JAZF1: variants seen among roughly 807,000 people sequenced by gnomAD.
JAZF1 encodes JAZF zinc finger 1.
In JAZF1, 8 loss-of-function variants were observed where a neutral mutation model predicts 26.4. The ratio of observed to expected loss-of-function variants is 0.30; its 90% CI spans 0.18 to 0.55. The LOEUF is 0.55. Among genes scored for constraint, JAZF1 ranks in the 20% least tolerant of loss-of-function variants. The probability of loss-of-function intolerance (pLI) is 0.94; values close to 1 mark genes in which losing one functional copy is unlikely to be tolerated. For synonymous variants in JAZF1, 126 were observed against 122.3 expected, an observed-to-expected ratio of 1.03 and a Z score of -0.20; for missense variants, 199 against 322.0, an observed-to-expected ratio of 0.62 and a Z score of 2.92.
At chr7:27,913,010 G>A (rs209) in intron 2 of JAZF1, among the ~76,000 whole-genome samples, 47,890 of 151,842 alleles carry the variant, frequency 0.32, 7,883 homozygotes, top group Admixed American at 0.42. Context: ...CTCCCTCGGA[G>A]AACATGAGGT....
intron 3 of JAZF1, among the ~76,000 whole-genome samples, chr7:27,891,425 C>G (rs547054998): frequency 6.6e-6 from 1 of 152,040 alleles, no homozygotes. Context: ...ATGATTTAAA[C>G]TATTCTAAGC....
Position 28,123,513 on chromosome 7 carries a change from G to T in JAZF1, c.115+56950C>A, listed in dbSNP as rs560312861. 2.6e-5 allele frequency among the ~76,000 whole-genome samples: 4 copies of T among 152,334 alleles called. No individual in the cohort carries two copies. The South Asian group carries it at 8.3e-4, about 32-fold the overall frequency. Reference sequence around the variant, plus strand: ...TGCAACCCCAGTGACCAGCACAGTAGCACATAGTAGGCACTCGGGAAAGAT... The same window carrying T: ...TGCAACCCCAGTGACCAGCACAGTATCACATAGTAGGCACTCGGGAAAGAT... On this transcript the variant is annotated intron_variant, in intron 1 of 4. Transcript: ENST00000283928.
intron 1 of JAZF1, among the ~76,000 whole-genome samples, chr7:28,034,989 C>T (rs908647073): frequency 2.0e-5 from 3 of 151,924 alleles, no homozygotes; most frequent in Admixed American, 1.3e-4. Context: ...AAGGCTGAGC[C>T]GTTACCGTCC....
chr7:27,848,824 C>T (rs1583428767), intron 3 of JAZF1, among the ~76,000 whole-genome samples: 2 of 152,218 alleles, frequency 1.3e-5, no homozygotes, highest in South Asian at 2.1e-4. Flanking sequence ...CCAAACCTAC[C>T]TGTGCTTACT....
At chr7:28,071,163 C>T (rs568135278) in intron 1 of JAZF1, among the ~76,000 whole-genome samples, 2 of 152,150 alleles carry the variant, frequency 1.3e-5, no homozygotes, top group East Asian at 1.9e-4. Flanking sequence ...GCAAGCAATG[C>T]GGTGTGATAC....
intron 1 of JAZF1, among the ~76,000 whole-genome samples, chr7:28,056,873 T>C (rs1345939981): frequency 6.6e-6 from 1 of 152,214 alleles, no homozygotes; most frequent in Non-Finnish European, 1.5e-5. Context: ...TCTCTTAAAC[T>C]GAGGGCTGCC....
chr7:28,069,142 AACTTAACCAGC>A (rs1783930545), intron 1 of JAZF1, among the ~76,000 whole-genome samples: 1 of 152,238 alleles, frequency 6.6e-6, no homozygotes, highest in Admixed American at 6.5e-5. Flanking sequence ...AGAGCCCAGT[AACTTAACCAGC>A]ACCACAGCTG....
At chr7:27,884,994 T>G (rs559115640) in intron 3 of JAZF1, among the ~76,000 whole-genome samples, 1 of 152,250 alleles carries the variant, frequency 6.6e-6, no homozygotes, top group East Asian at 1.9e-4. Flanking sequence ...CAGAGCAGGT[T>G]TGAGGACATT....
At chr7:27,881,289 G>A (rs1783766018) in intron 3 of JAZF1, among the ~76,000 whole-genome samples, 1 of 152,126 alleles carries the variant, frequency 6.6e-6, no homozygotes, top group African/African-American at 2.4e-5. Context: ...CCCCTTGGTA[G>A]CTCACTCACA....
chr7:28,136,496 T>C (rs113735840), intron 1 of JAZF1, among the ~76,000 whole-genome samples: 4,179 of 152,350 alleles, frequency 0.027, 78 homozygotes, highest in Middle Eastern at 0.054. Context: ...AGCAGCGTGC[T>C]CAGAATCTAG....
intron 2 of JAZF1, among the ~76,000 whole-genome samples, chr7:27,909,797 C>T (rs192559141): frequency 1.2e-4 from 18 of 152,312 alleles, no homozygotes; most frequent in Non-Finnish European, 2.4e-4. Flanking sequence ...AAGCTTTCTC[C>T]CTTCCTCCCT....
intron 1 of JAZF1, among the ~76,000 whole-genome samples, chr7:28,018,211 A>G (rs1358037724): frequency 6.6e-6 from 1 of 152,232 alleles, no homozygotes; most frequent in Non-Finnish European, 1.5e-5. Flanking sequence ...ACTGAGAAAC[A>G]GCTCCTGGAG....
chr7:28,143,462 T>C (rs1376327961), intron 1 of JAZF1, among the ~76,000 whole-genome samples: 1 of 152,238 alleles, frequency 6.6e-6, no homozygotes. Flanking sequence ...CACTGTATTA[T>C]AGCTCCTGGC....
intron 1 of JAZF1, among the ~76,000 whole-genome samples, chr7:28,022,815 G>A (rs1045590331): frequency 8.5e-5 from 13 of 152,164 alleles, no homozygotes; most frequent in African/African-American, 2.9e-4. Context: ...GGAGTGCAAC[G>A]GCATGATCTT....
intron 1 of JAZF1, among the ~76,000 whole-genome samples, chr7:28,178,480 G>A (rs998470864): frequency 1.3e-5 from 2 of 152,070 alleles, no homozygotes; most frequent in East Asian, 1.9e-4. Flanking sequence ...TGCAATGACA[G>A]CCTTCTGTAA....
At chr7:27,972,952 T>TATACAC (rs1554279112) in intron 2 of JAZF1, among the ~76,000 whole-genome samples, 3 of 149,926 alleles carry the variant, frequency 2.0e-5, no homozygotes, top group Admixed American at 2.0e-4. Flanking sequence ...TGTGTATATA[T>TATACAC]ACACACACAC....
chr7:28,153,357 A>G (rs187673734), intron 1 of JAZF1, among the ~76,000 whole-genome samples: 1 of 152,282 alleles, frequency 6.6e-6, no homozygotes, highest in East Asian at 1.9e-4. Flanking sequence ...TTATAAATTT[A>G]TTTTCCTAAA....
intron 2 of JAZF1, chr7:27,913,433 G>A: frequency 2.2e-6 from 1 of 445,994 alleles, no homozygotes; most frequent in South Asian, 1.6e-5. Context: ...GTCTTCTCTA[G>A]GTCTGTCTCA....
intron 1 of JAZF1, among the ~76,000 whole-genome samples, chr7:28,143,285 C>T (rs578192297): frequency 6.6e-6 from 1 of 152,172 alleles, no homozygotes; most frequent in Non-Finnish European, 1.5e-5. Context: ...TCATCCATGT[C>T]CTTCAAGTTT....
Sources: allele counts gnomAD v4.1 joint callset (sites outside exome capture counted in the v4.1 genomes callset), GRCh38; gene constraint gnomAD v4.1.1; transcripts MANE v1.5; gene names NCBI Gene and HGNC (gene_info 2026-07-23, HGNC 2026-07-21).